NUP205: variants seen among roughly 807,000 people sequenced by gnomAD.
NUP205 encodes nucleoporin 205, also known as nuclear pore complex protein Nup205.
NUP205 carries 76 observed loss-of-function variants against 253.8 expected under a neutral mutation model. The observed-to-expected ratio is 0.30, with a 90% CI of 0.25 to 0.36. The LOEUF is 0.36. Among genes scored for constraint, NUP205 ranks in the 10% least tolerant of loss-of-function variants. The pLI is 1.00. For synonymous variants in NUP205, 832 were observed against 850.1 expected (o/e 0.98, Z 0.37); for missense variants, 2,162 against 2,425.5 (o/e 0.89, Z 2.28).
intron 14 of NUP205, among the ~76,000 whole-genome samples, 157 bp downstream of exon 14, chr7:135,597,575 CTT>C (rs763902684): frequency 1.3e-5 from 2 of 152,054 alleles, no homozygotes; most frequent in African/African-American, 4.8e-5. Context: ...AGAGATGAAA[CTT>C]TTAATAAAAG....
chr7:135,643,019 A>G (rs1240985580), intron 38 of NUP205, among the ~76,000 whole-genome samples, 173 bp from the exon 39 acceptor site: 2 of 152,206 alleles, frequency 1.3e-5, no homozygotes, highest in African/African-American at 4.8e-5. Flanking sequence ...AGTGGCTCCT[A>G]ACCATTTGTT....
rs1442893503 is a variant in NUP205 at position 135,578,763 on chromosome 7, A to G, written c.890A>G (p.Gln297Arg). ...TTTGTGTTTTCAGATATGATTCATC[A>G]ACTTCCACTGTTGACAGAAAAACAG... ...STEERDDMIHQLPLLTEKQYI... is the reference protein window; with the variant it reads ...STEERDDMIHRLPLLTEKQYI... The change falls in exon 7 of 43, where the codon CAA becomes CGA. Residue 297 changes from glutamine (Q) to arginine (R), a missense_variant. Transcript: ENST00000285968. 6.3e-7 allele frequency: 1 copy of G among 1,596,304 alleles called. No individual in the cohort carries two copies. The highest frequency in any genetic ancestry group is 1.8e-5 in the Admixed American group (1 of 55,588).
intron 1 of NUP205, among the ~76,000 whole-genome samples, chr7:135,560,115 C>G (rs540326290): frequency 6.6e-6 from 1 of 152,258 alleles, no homozygotes; most frequent in East Asian, 1.9e-4. Context: ...CCTTCAGCCT[C>G]CCAAAGTGCT....
chr7:135,591,512 T>C lies in NUP205; in HGVS notation c.1536T>C (p.Pro512=). The C allele has an allele frequency of 6.2e-7, 1 of 1,614,062 alleles. No individual in the cohort carries two copies. Among genetic ancestry groups the C allele is most frequent in the East Asian group, 2.2e-5 (1 of 44,866 alleles). The change falls in exon 11 of 43, where the codon CCT becomes CCC. Residue 512 remains proline (P), a synonymous_variant. Transcript: ENST00000285968. ...TGTTGCCTCCAACTATTTATATTCC[T>C]TATTTGAAGATGCTCCAGGGATTGG... is the stretch of plus-strand genomic sequence containing the variant. The part of the protein sequence containing the change: ...GDLLPPTIYI[P]YLKMLQGLAN...
chr7:135,570,793 T>TTAATATTATTA (rs1805964145), intron 1 of NUP205, among the ~76,000 whole-genome samples: 11 of 96,348 alleles, frequency 1.1e-4, no homozygotes, highest in African/African-American at 4.6e-4. Flanking sequence ...TATATTTATA[T>TTAATATTATTA]ATTATATTAA....
At chr7:135,565,515 C>T (rs192718004) in intron 1 of NUP205, among the ~76,000 whole-genome samples, 10 of 150,872 alleles carry the variant, frequency 6.6e-5, no homozygotes, top group African/African-American at 2.2e-4. Context: ...TCACTGCAAC[C>T]GCCACTCCCA....
chr7:135,622,646 A>C, intron 30 of NUP205, 131 bp from the exon 31 acceptor site: 1 of 767,446 alleles, frequency 1.3e-6, no homozygotes, highest in Non-Finnish European at 2.0e-6. Flanking sequence ...GTGTACAAGC[A>C]GTGATGGAAG....
chr7:135,602,920 C>T lies in NUP205; in HGVS notation c.2628C>T (p.Val876=). 6.2e-7 allele frequency: 1 copy of T among 1,613,894 alleles called. No homozygotes were observed. Among genetic ancestry groups the T allele is most frequent in the African/African-American group, 1.3e-5 (1 of 75,018 alleles). The change falls in exon 18 of 43, where the codon GTC becomes GTT. Residue 876 remains valine, a synonymous_variant. Transcript: ENST00000285968. ...GAGAGAGTCAACTGGCTCTAATAGT[C>T]TGTCCTTTAGAACAGCTTTTGCAGG... ...LLRESQLALI[V]CPLEQLLQGI...
chr7:135,617,090 T>C lies in NUP205; in HGVS notation c.3533T>C (p.Val1178Ala). ...TCAAATTACTTTTTATTATTTCTAGTACGTCGAAAAATTCTAAATATTCTT... is the reference window on the plus strand; with the variant it reads ...TCAAATTACTTTTTATTATTTCTAGCACGTCGAAAAATTCTAAATATTCTT... ...GFLHFDTATK[V>A]RRKILNILDS... Residue 1178 changes from valine (V) to alanine (A), a missense_variant and splice_region_variant, in exon 26 of 43, where the codon GTA (valine) becomes GCA (alanine). Physicochemically the swap from Val to Ala is moderately conservative, Grantham distance 64 (BLOSUM62 0). This residue lies in a region of NUP205 where 1,144 missense variants were observed against 1,280.9 expected (regional missense o/e 0.89). Coordinates refer to ENST00000285968, the MANE Select transcript of NUP205 (RefSeq NM_015135.3). 1 of 1,604,606 alleles carries C rather than the reference T, an allele frequency of 6.2e-7. No homozygotes were observed. The highest frequency in any genetic ancestry group is 8.5e-7 in the Non-Finnish European group (1 of 1,175,708).
intron 33 of NUP205, among the ~76,000 whole-genome samples, chr7:135,626,945 A>C (rs1794603723): frequency 6.6e-6 from 1 of 152,244 alleles, no homozygotes; most frequent in African/African-American, 2.4e-5. Flanking sequence ...ATTGTTTTAA[A>C]AGGATCTATT....
Position 135,618,587 on chromosome 7 carries a change from A to G in NUP205, c.3947A>G (p.Gln1316Arg), listed in dbSNP as rs1432232633. The change falls in exon 28 of 43, where the codon CAA (glutamine) becomes CGA (arginine). Residue 1316 changes from glutamine to arginine, a missense_variant. Around this residue, in one of 5 missense-constraint regions of NUP205, gnomAD observed 1,144 missense variants for 1,280.9 expected, o/e 0.89. Transcript: ENST00000285968. Reference sequence around the variant, plus strand: ...CAACTGATTATTCGTGATATTTTACAAGATGTGCATGATAAGGTGACGTAC... The same window carrying G: ...CAACTGATTATTCGTGATATTTTACGAGATGTGCATGATAAGGTGACGTAC... ...DRQLIIRDIL[Q>R]DVHDKILDDE... 1.2e-6 allele frequency: 2 copies of G among 1,604,014 alleles called. No individual in the cohort carries two copies.
intron 1 of NUP205, among the ~76,000 whole-genome samples, chr7:135,567,995 G>T (rs1406938562): frequency 1.3e-5 from 2 of 152,206 alleles, no homozygotes; most frequent in African/African-American, 4.8e-5. Flanking sequence ...GGAGGCCGAG[G>T]TGGGCAGATT....
At position 135,635,677 on chromosome 7, in the gene NUP205, T is replaced by C; in HGVS notation, c.5136+20T>C. 7.1e-7 allele frequency: 1 copy of C among 1,403,084 alleles called. No homozygotes were observed. The highest frequency in any genetic ancestry group is 1.0e-6 in the Non-Finnish European group (1 of 994,460). 86.9% of individuals were successfully genotyped at this position (1,403,084 alleles called of 1,614,324 possible). A position where few individuals can be genotyped will look rare whatever the true frequency, so the allele number is the denominator to read the frequency against. On this transcript the variant is annotated intron_variant, in intron 36 of 42. Transcript: ENST00000285968. ...TTCCAGGTAACTGATTCTTATTTCT[T>C]TAAATAGCAGTTATAAGACATGTTA...
Position 135,626,240 on chromosome 7 carries a change from G to A in NUP205, c.4672G>A (p.Ala1558Thr). 2 of 1,614,006 alleles carry A rather than the reference G, an allele frequency of 1.2e-6. No individual in the cohort carries two copies. The highest frequency in any genetic ancestry group is 1.7e-6 in the Non-Finnish European group (2 of 1,179,964). The change falls in exon 33 of 43, where the codon GCA (alanine) becomes ACA (threonine). Residue 1558 changes from alanine to threonine, a missense_variant and splice_region_variant. By Grantham distance (58) the Ala-to-Thr change is moderately conservative (BLOSUM62 0). Around this residue, in one of 5 missense-constraint regions of NUP205, gnomAD observed 1,144 missense variants for 1,280.9 expected, o/e 0.89. Transcript: ENST00000285968. The part of the protein sequence containing the change: ...KALYTYESKM[A>T]FLTRVAKIQQ... ...TGATTTTTCTCTTGTAACTCCTCAGGCATTTCTCACAAGAGTGGCAAAGAT... is the reference window on the plus strand; with the variant it reads ...TGATTTTTCTCTTGTAACTCCTCAGACATTTCTCACAAGAGTGGCAAAGAT...
chr7:135,594,844 C>T (rs1009617527), intron 13 of NUP205, 115 bp downstream of exon 13: 2 of 768,074 alleles, frequency 2.6e-6, no homozygotes, highest in Admixed American at 5.7e-5. Context: ...AACATCCCAA[C>T]TAGAGTTACG....
chr7:135,606,852 G>A lies in NUP205; in HGVS notation c.3007G>A (p.Ala1003Thr). ...TSLECNPPNL[A>T]LYLLGFELKK... is the part of the protein sequence containing the mutation. The stretch of plus-strand genomic sequence containing the variant: ...TCTGGAATGCAATCCACCCAATCTT[G>A]CTCTCTACCTGTTGGGCTTTGAATT... Residue 1003 changes from alanine (A) to threonine (T), a missense_variant, in exon 21 of 43, where the codon GCT (alanine) becomes ACT (threonine). Physicochemically the swap from Ala to Thr is moderately conservative, Grantham distance 58 (BLOSUM62 0). Transcript: ENST00000285968. 1 of 1,613,900 alleles carries A rather than the reference G, an allele frequency of 6.2e-7. No individual in the cohort carries two copies. Among genetic ancestry groups the A allele is most frequent in the Non-Finnish European group, 8.5e-7 (1 of 1,179,882 alleles).
intron 11 of NUP205, 81 bp downstream of exon 11, chr7:135,591,681 G>A: frequency 7.9e-7 from 1 of 1,261,496 alleles, no homozygotes; most frequent in Non-Finnish European, 1.1e-6. Flanking sequence ...AAGAACATTG[G>A]TGTTTGAACT....
intron 33 of NUP205, 143 bp downstream of exon 33, chr7:135,626,504 T>G (rs1038263580): frequency 4.9e-6 from 4 of 809,788 alleles, no homozygotes; most frequent in Non-Finnish European, 7.5e-6. Flanking sequence ...GCCCCTGTCA[T>G]TTACTAATAA....
chr7:135,599,344 A>T (rs1376375576), intron 15 of NUP205, among the ~76,000 whole-genome samples: 1 of 152,154 alleles, frequency 6.6e-6, no homozygotes, highest in African/African-American at 2.4e-5. Context: ...GTCACAAATA[A>T]TTGAAGTTCT....
Sources: allele counts gnomAD v4.1 joint callset (sites outside exome capture counted in the v4.1 genomes callset), GRCh38; gene constraint gnomAD v4.1.1; regional missense constraint gnomAD v4.1.1; transcripts MANE v1.5; gene names NCBI Gene and HGNC (gene_info 2026-07-23, HGNC 2026-07-21).